Variants in CMSS1 observed in about 807,000 individuals in gnomAD.
The protein encoded by CMSS1 is protein CMSS1.
A neutral mutation model predicts 43.5 loss-of-function variants in CMSS1; 33 were observed. The observed-to-expected ratio is 0.76, with a 90% confidence interval of 0.57 to 1.01. CMSS1 has a LOEUF of 1.01. Among genes scored for constraint, CMSS1 ranks in the 50% least tolerant of loss-of-function variants. CMSS1 has a pLI of 0.00. For missense variants in CMSS1, 313 were observed against 326.4 expected (o/e 0.96, Z 0.32); for synonymous variants, 115 against 117.2 (o/e 0.98, Z 0.12).
In CMSS1 at chr3:100,002,900, T is replaced by G; in HGVS notation, c.65-144073T>G. On this transcript the variant is annotated intron_variant, in intron 1 of 9. Transcript: ENST00000421999. ...CATATTGCCTTCTCTGATGAGTATGTGTATGTTCTGAAGCTCTCTCTGCTG... is the reference window on the plus strand; with the variant it reads ...CATATTGCCTTCTCTGATGAGTATGGGTATGTTCTGAAGCTCTCTCTGCTG... Among the ~76,000 whole-genome samples the G allele has an allele frequency of 2.0e-5, 3 of 152,312 alleles. No individual in the cohort carries two copies. In the South Asian group the frequency reaches 6.2e-4, roughly 32 times the overall value.
At chr3:99,854,688 G>A (rs544300029) in intron 1 of CMSS1, among the ~76,000 whole-genome samples, 66 of 151,782 alleles carry the variant, frequency 4.3e-4, no homozygotes, top group African/African-American at 1.5e-3. Context: ...GTCTCCTGGG[G>A]GGCAGTCACC....
At chr3:100,089,089 A>G (rs1429209964) in intron 1 of CMSS1, among the ~76,000 whole-genome samples, 2 of 152,194 alleles carry the variant, frequency 1.3e-5, no homozygotes, top group African/African-American at 4.8e-5. Context: ...GGATCATTTT[A>G]TCCATTTCCC....
At chr3:100,146,801 G>T (rs1442599704) in intron 1 of CMSS1, among the ~76,000 whole-genome samples, 172 bp from the exon 2 acceptor site, 2 of 152,208 alleles carry the variant, frequency 1.3e-5, no homozygotes, top group African/African-American at 4.8e-5. Context: ...AAATGAGAAT[G>T]CCATCTTAGT....
At chr3:99,850,651 CTGTT>C (rs958089345) in intron 1 of CMSS1, 1 of 1,613,998 alleles carries the variant, frequency 6.2e-7, no homozygotes, top group Admixed American at 1.7e-5. Flanking sequence ...TCGTAAAGAC[CTGTT>C]TGTCTCTTCT....
chr3:99,965,974 T>C, intron 1 of CMSS1, among the ~76,000 whole-genome samples: 1 of 152,118 alleles, frequency 6.6e-6, no homozygotes, highest in Non-Finnish European at 1.5e-5. Flanking sequence ...TGTAAGCCCC[T>C]AGTAAACCCC....
chr3:99,900,477 G>C, intron 1 of CMSS1, among the ~76,000 whole-genome samples: 1 of 152,218 alleles, frequency 6.6e-6, no homozygotes, highest in Admixed American at 6.5e-5. Context: ...CCAGATTTCA[G>C]ATGAGATAGA....
At chr3:100,099,827 A>G (rs2066274393) in intron 1 of CMSS1, among the ~76,000 whole-genome samples, 1 of 152,188 alleles carries the variant, frequency 6.6e-6, no homozygotes, top group African/African-American at 2.4e-5. Context: ...AAGTATGGTA[A>G]AGTATCATAA....
chr3:100,101,187 C>T (rs564171320), intron 1 of CMSS1, among the ~76,000 whole-genome samples: 14 of 152,186 alleles, frequency 9.2e-5, no homozygotes, highest in African/African-American at 2.6e-4. Flanking sequence ...TCTGAGACAG[C>T]GTTATACTAA....
At chr3:99,952,126 G>T (rs1359582090) in intron 1 of CMSS1, among the ~76,000 whole-genome samples, 1 of 151,678 alleles carries the variant, frequency 6.6e-6, no homozygotes, top group Non-Finnish European at 1.5e-5. Context: ...ATCACCAGAG[G>T]TTGTTAAGAG....
intron 1 of CMSS1, among the ~76,000 whole-genome samples, chr3:99,873,408 T>C (rs1006009479): frequency 2.6e-5 from 4 of 152,202 alleles, no homozygotes; most frequent in African/African-American, 7.2e-5. Context: ...CTGAAGCAGG[T>C]TGAGACCAAT....
intron 3 of CMSS1, 139 bp from the exon 4 acceptor site, chr3:100,162,164 T>G (rs1257548307): frequency 1.3e-5 from 8 of 599,936 alleles, no homozygotes; most frequent in Admixed American, 3.4e-5. Context: ...TTTTCTCAAA[T>G]GTATTTATTA....
intron 1 of CMSS1, among the ~76,000 whole-genome samples, chr3:100,108,251 G>A (rs1327137936): frequency 6.6e-6 from 1 of 152,094 alleles, no homozygotes; most frequent in Non-Finnish European, 1.5e-5. Flanking sequence ...CTTTCAGAAG[G>A]AACTGACCAC....
chr3:100,019,443 A>G (rs954410624), intron 1 of CMSS1, among the ~76,000 whole-genome samples: 2 of 152,218 alleles, frequency 1.3e-5, no homozygotes, highest in Non-Finnish European at 1.5e-5. Context: ...AAAATTAATA[A>G]TAAGTGATGA....
intron 1 of CMSS1, among the ~76,000 whole-genome samples, chr3:99,918,561 CTA>C (rs1170591119): frequency 6.6e-6 from 1 of 152,190 alleles, no homozygotes; most frequent in Non-Finnish European, 1.5e-5. Flanking sequence ...CATTGTCACT[CTA>C]TCTGAATTTT....
At chr3:99,931,786 C>T (rs1280774471) in intron 1 of CMSS1, among the ~76,000 whole-genome samples, 2 of 152,162 alleles carry the variant, frequency 1.3e-5, no homozygotes, top group Non-Finnish European at 2.9e-5. Context: ...GTTTAAAGGA[C>T]ACATTAGCTC....
intron 1 of CMSS1, among the ~76,000 whole-genome samples, chr3:100,131,701 C>T (rs1002801666): frequency 1.3e-5 from 2 of 152,186 alleles, no homozygotes; most frequent in East Asian, 1.9e-4. Flanking sequence ...GAAGAAAGCT[C>T]AATGTGTTTT....
At chr3:99,882,588 T>C (rs1477336169) in intron 1 of CMSS1, among the ~76,000 whole-genome samples, 1 of 152,210 alleles carries the variant, frequency 6.6e-6, no homozygotes, top group Non-Finnish European at 1.5e-5. Flanking sequence ...TCTGTTCCCA[T>C]TTTTAAATAG....
At chr3:99,981,828 C>T (rs1392536978) in intron 1 of CMSS1, among the ~76,000 whole-genome samples, 1 of 152,122 alleles carries the variant, frequency 6.6e-6, no homozygotes, top group African/African-American at 2.4e-5. Context: ...AGGGAAGGTT[C>T]GTGAGACAAC....
At chr3:99,823,943 G>A (rs1326844354) in intron 1 of CMSS1, among the ~76,000 whole-genome samples, 1 of 143,140 alleles carries the variant, frequency 7.0e-6, no homozygotes, top group Non-Finnish European at 1.5e-5. Flanking sequence ...TTTTTTTTGA[G>A]CTGGAGTCTC....
Sources: gnomAD v4.1 joint callset for allele counts (sites outside exome capture counted in the v4.1 genomes callset) on GRCh38, gnomAD v4.1.1 for gene constraint, MANE v1.5 for transcripts, NCBI Gene and HGNC (gene_info 2026-07-23, HGNC 2026-07-21) for gene names.